Variants in DOCK10 observed in about 807,000 individuals in gnomAD.
DOCK10 encodes the protein dedicator of cytokinesis 10.
Under a neutral mutation model 280.1 loss-of-function variants are expected in DOCK10, and 145 were observed. The ratio of observed to expected loss-of-function variants is 0.52; its 90% CI spans 0.45 to 0.59. The LOEUF is 0.59. DOCK10 is among the 20% of genes least tolerant of loss of function. The pLI is 0.00. For missense variants in DOCK10, 2,368 were observed against 2,651.7 expected (o/e 0.89, Z 2.35); for synonymous variants, 915 against 942.2 (o/e 0.97, Z 0.53).
chr2:225,020,839 TG>T, intron 1 of DOCK10, among the ~76,000 whole-genome samples: 1 of 152,352 alleles, frequency 6.6e-6, no homozygotes, highest in East Asian at 1.9e-4. Flanking sequence ...CACACACACA[TG>T]CCCTCTCTTA....
chr2:225,011,531 C>T (rs1689439115), intron 1 of DOCK10, among the ~76,000 whole-genome samples: 1 of 152,220 alleles, frequency 6.6e-6, no homozygotes, highest in Admixed American at 6.5e-5. Context: ...TCAGGACATA[C>T]ATGGCTTTCT....
intron 1 of DOCK10, chr2:224,982,515 G>A: frequency 8.2e-7 from 1 of 1,224,704 alleles, no homozygotes; most frequent in Non-Finnish European, 1.0e-6. Flanking sequence ...ATCTGATCAT[G>A]GCCAAATAGC....
intron 1 of DOCK10, among the ~76,000 whole-genome samples, chr2:224,961,123 A>G (rs1393196605): frequency 6.6e-6 from 1 of 152,218 alleles, no homozygotes; most frequent in Admixed American, 6.5e-5. Flanking sequence ...GGTCTGATCA[A>G]GTTATTCCCA....
At chr2:224,912,962 G>T (rs1027122453) in intron 3 of DOCK10, among the ~76,000 whole-genome samples, 6 of 152,104 alleles carry the variant, frequency 3.9e-5, no homozygotes, top group African/African-American at 9.7e-5. Context: ...GGAGGTGGGG[G>T]TTGCAGTGAG....
At chr2:225,001,968 A>T (rs1706443081) in intron 1 of DOCK10, among the ~76,000 whole-genome samples, 1 of 152,158 alleles carries the variant, frequency 6.6e-6, no homozygotes, top group Admixed American at 6.5e-5. Flanking sequence ...GGATTTCAAC[A>T]TGTGAATCTG....
chr2:224,817,692 T>C (rs1483700319), intron 29 of DOCK10, among the ~76,000 whole-genome samples: 1 of 152,030 alleles, frequency 6.6e-6, no homozygotes, highest in Non-Finnish European at 1.5e-5. Flanking sequence ...ATTTCATGCA[T>C]GACAGGAGCA....
chr2:224,845,408 A>G (rs1398963373), intron 20 of DOCK10, 84 bp from the exon 21 acceptor site: 5 of 1,532,858 alleles, frequency 3.3e-6, no homozygotes, highest in South Asian at 1.2e-5. Flanking sequence ...TTATTTACGA[A>G]CACTAAATTT....
intron 1 of DOCK10, among the ~76,000 whole-genome samples, chr2:224,939,764 T>A (rs186858109): frequency 3.2e-4 from 49 of 152,366 alleles, no homozygotes; most frequent in African/African-American, 1.0e-3. Flanking sequence ...TCAAGTGTTG[T>A]ACACGCACAT....
chr2:224,971,860 G>A (rs1049218035), intron 1 of DOCK10, among the ~76,000 whole-genome samples: 5 of 151,812 alleles, frequency 3.3e-5, no homozygotes, highest in Non-Finnish European at 4.4e-5. Context: ...AAGATTTGGC[G>A]TGAAAAAAAC....
At chr2:225,016,096 C>G (rs371167497) in intron 1 of DOCK10, among the ~76,000 whole-genome samples, 1 of 152,136 alleles carries the variant, frequency 6.6e-6, no homozygotes. Context: ...TGTTAATGTG[C>G]TGCTCTATTA....
At chr2:224,968,721 A>T (rs886098491) in intron 1 of DOCK10, among the ~76,000 whole-genome samples, 2 of 152,260 alleles carry the variant, frequency 1.3e-5, no homozygotes, top group Non-Finnish European at 2.9e-5. Context: ...AGGTCAATTT[A>T]AAAATCTGGT....
intron 19 of DOCK10, among the ~76,000 whole-genome samples, chr2:224,847,962 T>G (rs961388895): frequency 1.3e-5 from 2 of 152,198 alleles, no homozygotes; most frequent in African/African-American, 4.8e-5. Flanking sequence ...TCCTGGATTT[T>G]CCAAATGAGC....
rs1254753370 is a variant in DOCK10, at chr2:225,042,156, G to T, written c.123+96C>A. 20 of 1,191,022 alleles carry T rather than the reference G, an allele frequency of 1.7e-5. No individual in the cohort carries two copies. The highest frequency in any genetic ancestry group is 2.1e-5 in the Non-Finnish European group (20 of 956,926). 73.8% of individuals were successfully genotyped at this position (1,191,022 alleles called of 1,614,324 possible). On this transcript the variant is annotated intron_variant, in intron 1 of 55. Transcript: ENST00000258390. This position sits in a 1 kb window ranked among gnomAD's most constrained non-coding sequence, Gnocchi z 5.1. ...CGGAGGAGAGGACCCGTGAGCTGCG[G>T]GGACCTGGGCCCGCCGAGCTTTTGG...
At chr2:224,892,397 C>CAAAAAAAAAAAAAAAAAAAAAAAAAAAAA (rs1174651393) in intron 4 of DOCK10, among the ~76,000 whole-genome samples, 1 of 52,252 alleles carries the variant, frequency 1.9e-5, no homozygotes, top group Non-Finnish European at 3.3e-5. Context: ...GACCCTGTCT[C>CAAAAAAAAAAAAAAAAAAAAAAAAAAAAA]AAAAAAAAAA....
At position 224,923,713 on chromosome 2, in the gene DOCK10, G is replaced by A. The variant is rs116208749; in HGVS notation, c.244-6929C>T. 6.3e-3 allele frequency among the ~76,000 whole-genome samples: 965 copies of A among 152,290 alleles called. 11 individuals are homozygous for A. The highest frequency in any genetic ancestry group is 0.02 in the African/African-American group (836 of 41,542). ...AGGGCCAGCCTCATTCCTGCACAGG[G>A]CCTTTGCCCATGCTCCTCTGCCTCT... On this transcript the variant is annotated intron_variant, in intron 2 of 55. Transcript: ENST00000258390.
chr2:224,984,487 C>G (rs958501086), intron 1 of DOCK10, among the ~76,000 whole-genome samples: 1 of 152,176 alleles, frequency 6.6e-6, no homozygotes, highest in Middle Eastern at 3.2e-3. Flanking sequence ...CTATTATTGA[C>G]GGGCTGCTGA....
chr2:224,921,281 G>T (rs1701734771), intron 2 of DOCK10, among the ~76,000 whole-genome samples: 2 of 150,380 alleles, frequency 1.3e-5, no homozygotes, highest in South Asian at 4.2e-4. Context: ...CAGCAATGTT[G>T]CTGGGCAACA....
At chr2:224,887,486 G>GT (rs71062963) in intron 4 of DOCK10, among the ~76,000 whole-genome samples, 152,331 of 152,332 alleles carry the variant, frequency 1, 76,165 homozygotes, top group Non-Finnish European at 1. Context: ...TTTATAAATG[G>GT]AAAATAAACC....
chr2:224,921,107 A>ATATATATATATATATATATATATATAT (rs1559767599), intron 2 of DOCK10, among the ~76,000 whole-genome samples: 21 of 68,398 alleles, frequency 3.1e-4, no homozygotes, highest in African/African-American at 1.3e-3. Flanking sequence ...AAAAAAAAAA[A>ATATATATATATATATATATATATATAT]AAAAAATATA....
Sources: gnomAD v4.1 joint callset for allele counts (sites outside exome capture counted in the v4.1 genomes callset) on GRCh38, gnomAD v4.1.1 for gene constraint, Gnocchi (gnomAD v3.1) non-coding constraint, MANE v1.5 for transcripts, NCBI Gene and HGNC (gene_info 2026-07-23, HGNC 2026-07-21) for gene names.